GRIK2: variants seen among roughly 807,000 people sequenced by gnomAD.
The protein encoded by GRIK2 is glutamate ionotropic receptor kainate type subunit 2.
GRIK2 carries 32 observed loss-of-function variants against 100.3 expected under a neutral mutation model. The ratio of observed to expected loss-of-function variants is 0.32; its 90% confidence interval spans 0.24 to 0.43. The LOEUF (loss-of-function observed/expected upper bound fraction) is 0.43, where lower values mean the gene tolerates loss of function less well. Among genes scored for constraint, GRIK2 ranks in the 20% least tolerant of loss-of-function variants. The pLI, the probability that GRIK2 is intolerant of heterozygous loss-of-function variation, is 1.00. For synonymous variants in GRIK2, 417 were observed against 389.4 expected, an observed-to-expected ratio of 1.07 and a Z score of -0.83; for missense variants, 843 against 1,114.9, an observed-to-expected ratio of 0.76 and a Z score of 3.47.
intron 2 of GRIK2, among the ~76,000 whole-genome samples, chr6:101,416,311 G>A (rs1232942769): frequency 2.0e-5 from 3 of 152,170 alleles, no homozygotes; most frequent in Admixed American, 6.5e-5. Flanking sequence ...GTGTTAGAGG[G>A]GAGAAGAAGG....
chr6:101,649,365 C>T (rs1048743246), intron 4 of GRIK2, among the ~76,000 whole-genome samples: 2 of 152,108 alleles, frequency 1.3e-5, no homozygotes, highest in African/African-American at 4.8e-5. Flanking sequence ...CCCAAGGTCA[C>T]ACAGTGCTTG....
intron 7 of GRIK2, among the ~76,000 whole-genome samples, chr6:101,787,481 T>A (rs181408020): frequency 5.3e-5 from 8 of 152,194 alleles, no homozygotes; most frequent in Non-Finnish European, 7.4e-5. Flanking sequence ...GTATCCGGTG[T>A]GTTTTGATGT....
At chr6:101,738,001 A>C (rs1475555263) in intron 7 of GRIK2, among the ~76,000 whole-genome samples, 1 of 152,200 alleles carries the variant, frequency 6.6e-6, no homozygotes, top group East Asian at 1.9e-4. Context: ...ATCAGGCCTA[A>C]GAAGATAGAG....
chr6:101,603,399 G>C (rs538914951), intron 2 of GRIK2, among the ~76,000 whole-genome samples: 146 of 151,672 alleles, frequency 9.6e-4, no homozygotes, highest in Non-Finnish European at 1.0e-3. Flanking sequence ...TTGGAGGAGA[G>C]AGGAATAAAT....
Position 101,799,695 on chromosome 6 carries a change from C to G in GRIK2, c.999C>G (p.Ala333=). 1.2e-6 allele frequency: 2 copies of G among 1,612,426 alleles called. No homozygotes were observed. Among genetic ancestry groups the G allele is most frequent in the Non-Finnish European group, 1.7e-6 (2 of 1,178,616 alleles). ...ATGCTGTGCATGTGGTGTCTGTGGC[C>G]GTTCAACAGTTTCCCCAGATGACAG... The part of the protein sequence containing the change: ...MYDAVHVVSV[A]VQQFPQMTVS... Residue 333 remains alanine, a synonymous_variant, in exon 8 of 17, where the codon GCC becomes GCG. Transcript: ENST00000369134.
chr6:102,025,859 A>G (rs1405459188), intron 14 of GRIK2, among the ~76,000 whole-genome samples: 1 of 150,892 alleles, frequency 6.6e-6, no homozygotes, highest in South Asian at 2.1e-4. Context: ...TGAATGAATA[A>G]TCTAGTGAAT....
chr6:101,865,143 A>C (rs2128445726), intron 11 of GRIK2, among the ~76,000 whole-genome samples: 1 of 152,346 alleles, frequency 6.6e-6, no homozygotes, highest in African/African-American at 2.4e-5. Context: ...AACCGGAATG[A>C]GAAAGAAATT....
At chr6:101,879,520 T>C (rs1353896267) in intron 11 of GRIK2, among the ~76,000 whole-genome samples, 1 of 151,984 alleles carries the variant, frequency 6.6e-6, no homozygotes, top group Non-Finnish European at 1.5e-5. Flanking sequence ...TCCATTACCC[T>C]GGACTCTATG....
chr6:101,494,294 GC>G (rs1773312962), intron 2 of GRIK2, among the ~76,000 whole-genome samples: 1 of 151,024 alleles, frequency 6.6e-6, no homozygotes, highest in Admixed American at 6.6e-5. Flanking sequence ...ACTGTTAAAT[GC>G]CCATTTTGAA....
chr6:101,686,700 A>G (rs1771725787), intron 7 of GRIK2, among the ~76,000 whole-genome samples: 2 of 152,152 alleles, frequency 1.3e-5, no homozygotes, highest in Non-Finnish European at 2.9e-5. Flanking sequence ...ACCTATCAAT[A>G]TACGAATACT....
intron 7 of GRIK2, among the ~76,000 whole-genome samples, chr6:101,734,871 T>C (rs907302841): frequency 3.9e-5 from 6 of 152,200 alleles, no homozygotes; most frequent in Non-Finnish European, 5.9e-5. Context: ...TTAGAAATTG[T>C]GGTTTGATCT....
intron 14 of GRIK2, among the ~76,000 whole-genome samples, chr6:102,005,616 T>C (rs553551112): frequency 6.6e-5 from 10 of 152,242 alleles, no homozygotes; most frequent in Non-Finnish European, 1.0e-4. Flanking sequence ...TAAACACTTA[T>C]CTTGTTCATT....
intron 7 of GRIK2, among the ~76,000 whole-genome samples, chr6:101,721,177 C>T (rs935849544): frequency 1.3e-5 from 2 of 151,982 alleles, no homozygotes; most frequent in South Asian, 4.2e-4. Flanking sequence ...TGTTGCTTCA[C>T]TTTTTGCTGT....
chr6:102,042,473 G>T (rs764755180), intron 15 of GRIK2, among the ~76,000 whole-genome samples: 15 of 151,536 alleles, frequency 9.9e-5, no homozygotes, highest in South Asian at 2.1e-4. Context: ...ATTAGTGCAG[G>T]GACTTAGATA....
chr6:101,696,622 A>G (rs1178803681), intron 7 of GRIK2, among the ~76,000 whole-genome samples: 1 of 151,918 alleles, frequency 6.6e-6, no homozygotes, highest in Non-Finnish European at 1.5e-5. Context: ...TCTAATATAA[A>G]TAACCTAAAT....
At chr6:101,693,293 A>AT (rs774499490) in intron 7 of GRIK2, among the ~76,000 whole-genome samples, 6 of 152,034 alleles carry the variant, frequency 3.9e-5, no homozygotes, top group Non-Finnish European at 5.9e-5. Context: ...ATCAAGAGAG[A>AT]TTTTTTCCCC....
At chr6:101,821,117 T>C (rs780820919) in intron 10 of GRIK2, among the ~76,000 whole-genome samples, 1 of 152,150 alleles carries the variant, frequency 6.6e-6, no homozygotes, top group Non-Finnish European at 1.5e-5. Context: ...AACTTTCAAA[T>C]GACTATATTT....
chr6:101,863,605 G>GT lies in GRIK2; in HGVS notation c.1524+4114dup, dbSNP rs1784868790. Among the ~76,000 whole-genome samples, 3 of 152,178 alleles carry GT rather than the reference G, an allele frequency of 2.0e-5. No homozygotes were observed. In the South Asian group the frequency reaches 6.2e-4, roughly 32 times the overall value. On this transcript the variant is annotated intron_variant, in intron 11 of 16. Transcript: ENST00000369134. ...AATTTCAGAATATCCTTAAGCCAGT[G>GT]TTCTGCTGGTGAATCTCTGACCTAC... is the stretch of plus-strand genomic sequence containing the variant.
At chr6:101,543,505 CA>C in intron 2 of GRIK2, among the ~76,000 whole-genome samples, 1 of 152,244 alleles carries the variant, frequency 6.6e-6, no homozygotes, top group East Asian at 1.9e-4. Flanking sequence ...GAATATCTAA[CA>C]TTTGTTTATG....
Sources: gnomAD v4.1 joint callset for allele counts (sites outside exome capture counted in the v4.1 genomes callset) on GRCh38, gnomAD v4.1.1 for gene constraint, MANE v1.5 for transcripts, NCBI Gene and HGNC (gene_info 2026-07-23, HGNC 2026-07-21) for gene names.